ACSL6: variants seen among roughly 807,000 people sequenced by gnomAD.
ACSL6 encodes the protein acyl-CoA synthetase long chain family member 6.
In ACSL6, 47 loss-of-function variants were observed where a neutral mutation model predicts 98.2. That is an observed-to-expected ratio of 0.48 (90% CI 0.38 to 0.61). ACSL6 has a LOEUF of 0.61. ACSL6 is among the 20% of genes least tolerant of loss of function. The pLI is 0.00. For missense variants in ACSL6, 761 were observed against 913.4 expected, an observed-to-expected ratio of 0.83 and a Z score of 2.15; for synonymous variants, 362 against 336.9, an observed-to-expected ratio of 1.07 and a Z score of -0.82.
Position 131,986,850 on chromosome 5 carries a change from C to T in ACSL6, c.836G>A (p.Cys279Tyr), listed in dbSNP as rs1261352892. 1 of 1,614,098 alleles carries T rather than the reference C, an allele frequency of 6.2e-7. No individual in the cohort carries two copies. The highest frequency in any genetic ancestry group is 1.1e-5 in the South Asian group (1 of 91,088). ...VIKSMQAVEDCGQENHQAPVP... is the reference protein window; with the variant it reads ...VIKSMQAVEDYGQENHQAPVP... ...AGGAGCCTGGTGATTCTCTTGGCCA[C>T]AGTCCTGAAAGAAGAAAATGCTGTT... The change falls in exon 8 of 21, where the codon TGT (cysteine) becomes TAT (tyrosine). Residue 279 changes from cysteine to tyrosine, a missense_variant. Transcript: ENST00000651883.
chr5:132,000,413 G>A (rs759487538), intron 1 of ACSL6, among the ~76,000 whole-genome samples: 17 of 151,622 alleles, frequency 1.1e-4, no homozygotes, highest in Admixed American at 2.6e-4. Flanking sequence ...TATTAGGACC[G>A]AAGCTGAGCT....
chr5:131,990,272 A>T, intron 3 of ACSL6, 108 bp from the exon 4 acceptor site: 1 of 1,126,144 alleles, frequency 8.9e-7, no homozygotes, highest in Non-Finnish European at 1.3e-6. Flanking sequence ...TAGTGTGTCC[A>T]TGGGCCAAGT....
chr5:131,972,898 T>C, intron 12 of ACSL6, 40 bp from the exon 13 acceptor site: 2 of 1,613,702 alleles, frequency 1.2e-6, no homozygotes. Flanking sequence ...AGAGCCTGAA[T>C]GTCTCATTTC....
At chr5:131,988,291 G>T in intron 6 of ACSL6, 65 bp from the exon 7 acceptor site, 1 of 1,572,196 alleles carries the variant, frequency 6.4e-7, no homozygotes, top group Non-Finnish European at 8.7e-7. Flanking sequence ...GGCAGCATGT[G>T]CCAGGCAGCA....
chr5:131,997,322 C>A (rs1754841544), intron 1 of ACSL6, among the ~76,000 whole-genome samples: 1 of 152,224 alleles, frequency 6.6e-6, no homozygotes, highest in Non-Finnish European at 1.5e-5. Context: ...AAGCGAGGCA[C>A]ACAGTAAACA....
Position 131,960,631 on chromosome 5 carries a change from T to C in ACSL6, c.1858-10A>G. The C allele has an allele frequency of 6.2e-7, 1 of 1,607,682 alleles. No homozygotes were observed. The highest frequency in any genetic ancestry group is 8.5e-7 in the Non-Finnish European group (1 of 1,176,876). On this transcript the variant is annotated splice_polypyrimidine_tract_variant and intron_variant, in intron 18 of 20. Transcript: ENST00000651883. ...TGCCTACCAAAAAGGCCTGCAGTGC[T>C]CACCAAAGGAGAACACAGTCATGAC...
rs1191897685 is a variant in ACSL6, at chr5:131,952,062, T to C, written c.*2172A>G. 5.6e-6 allele frequency: 1 copy of C among 179,636 alleles called. No individual in the cohort carries two copies. The highest frequency in any genetic ancestry group is 1.2e-5 in the Non-Finnish European group (1 of 83,868). The allele number at this position is 179,636 out of a possible 1,614,324, so 11.1% of individuals were successfully genotyped here. ...GGAGGACAATGGGAAACAGATTCTT[T>C]TTTTGTTGTTATTGAAATGTAAGCA... On this transcript the variant is annotated 3_prime_UTR_variant, in exon 21 of 21. Transcript: ENST00000651883.
chr5:131,965,335 G>A (rs1008181108), intron 17 of ACSL6, among the ~76,000 whole-genome samples: 3 of 152,120 alleles, frequency 2.0e-5, no homozygotes, highest in South Asian at 2.1e-4. Context: ...CTATGTGCCC[G>A]GTACTGTGCT....
rs1752172681 is a variant in ACSL6 at position 131,951,779 on chromosome 5, G to A, written c.*2455C>T. On this transcript the variant is annotated 3_prime_UTR_variant, in exon 21 of 21. Transcript: ENST00000651883. ...TTTTTGTATTTTTTTAGTAGAGACG[G>A]GGTTTCACTGTGTTAGCCAGGATGG... 6.2e-6 allele frequency: 1 copy of A among 161,224 alleles called. No individual in the cohort carries two copies. The highest frequency in any genetic ancestry group is 2.4e-5 in the African/African-American group (1 of 41,702). 10.0% of individuals were successfully genotyped at this position (161,224 alleles called of 1,614,324 possible).
In ACSL6 at chr5:131,974,937, T is replaced by C. The variant is rs1164361934; in HGVS notation, c.1024A>G (p.Ile342Val). The C allele has an allele frequency of 6.2e-7, 1 of 1,614,068 alleles. No individual in the cohort carries two copies. The highest frequency in any genetic ancestry group is 8.5e-7 in the Non-Finnish European group (1 of 1,180,008). Residue 342 changes from isoleucine to valine, a missense_variant, in exon 11 of 21, where the codon ATC becomes GTC. Ile to Val is a conservative substitution (Grantham distance 29). Transcript: ENST00000651883. ...ATGTGAGCCAGAGGCAGGAAGGAGATGAGCACATCGTCCTGTCTCGGAAAG... is the reference window on the plus strand; with the variant it reads ...ATGTGAGCCAGAGGCAGGAAGGAGACGAGCACATCGTCCTGTCTCGGAAAG... ...VIFPRQDDVL[I>V]SFLPLAHMFE... is the part of the protein sequence containing the mutation.
chr5:131,976,588 C>T, intron 10 of ACSL6, 60 bp downstream of exon 10: 1 of 1,371,772 alleles, frequency 7.3e-7, no homozygotes, highest in Non-Finnish European at 1.0e-6. Flanking sequence ...AAAAAAAAAT[C>T]CTCTGAGGCT....
chr5:131,968,298 A>G, intron 15 of ACSL6: 1 of 386,628 alleles, frequency 2.6e-6, no homozygotes. Context: ...CAACGTGCAC[A>G]GGGTCCTGGG....
chr5:131,986,972 C>A, intron 7 of ACSL6, 118 bp from the exon 8 acceptor site: 1 of 811,404 alleles, frequency 1.2e-6, no homozygotes, highest in East Asian at 2.7e-5. Context: ...CACACACATA[C>A]CCACACACTC....
At chr5:131,988,533 T>A (rs1210229947) in intron 6 of ACSL6, 5 of 1,600,664 alleles carry the variant, frequency 3.1e-6, no homozygotes, top group Non-Finnish European at 4.3e-6. Flanking sequence ...TGCCAAGCTG[T>A]CATGAACTTC....
In ACSL6 at chr5:131,990,087, C is replaced by T; in HGVS notation, c.450+13G>A. ...ATGGGTGGCCAGGGTGGGGCCTGTCCTGTATCACTCACCTCCTGGTAGGAC... is the reference window on the plus strand; with the variant it reads ...ATGGGTGGCCAGGGTGGGGCCTGTCTTGTATCACTCACCTCCTGGTAGGAC... On this transcript the variant is annotated intron_variant, in intron 4 of 20. Transcript: ENST00000651883. The T allele has an allele frequency of 6.2e-7, 1 of 1,613,290 alleles. No homozygotes were observed. The highest frequency in any genetic ancestry group is 1.1e-5 in the South Asian group (1 of 90,904).
intron 9 of ACSL6, chr5:131,984,275 T>C (rs1754050356): frequency 6.6e-6 from 1 of 152,264 alleles, no homozygotes; most frequent in African/African-American, 2.4e-5. Flanking sequence ...CTGACATGAA[T>C]AATCCTGGTT....
chr5:131,988,953 G>A (rs773572365), intron 5 of ACSL6, 49 bp from the exon 6 acceptor site: 1 of 1,544,032 alleles, frequency 6.5e-7, no homozygotes, highest in Non-Finnish European at 8.9e-7. Flanking sequence ...AGATTAGAGG[G>A]CTGTCCTGCC....
In ACSL6 at chr5:131,971,813, C is replaced by A. The variant is rs576588499; in HGVS notation, c.1339-168G>T. The stretch of plus-strand genomic sequence containing the variant: ...TACAACACACGAGCTGAGGAAACTC[C>A]TTCCCCTTCCTAATGATAAACACAA... On this transcript the variant is annotated intron_variant, in intron 13 of 20. Transcript: ENST00000651883. Among the ~76,000 whole-genome samples the A allele has an allele frequency of 2.6e-5, 4 of 152,260 alleles. No homozygotes were observed. The East Asian group carries it at 7.7e-4, about 29-fold the overall frequency.
chr5:131,971,587 G>A lies in ACSL6; in HGVS notation c.1397C>T (p.Thr466Ile). ...IVTGAAPASP[T>I]VLGFLRAALG... Reference sequence around the variant, plus strand: ...AGCTGCCCGGAGAAATCCCAGAACTGTTGGTGATGCTGGGGCTGCTCCAGT... The same window carrying A: ...AGCTGCCCGGAGAAATCCCAGAACTATTGGTGATGCTGGGGCTGCTCCAGT... The change falls in exon 14 of 21, where the codon ACA becomes ATA. Residue 466 changes from threonine (T) to isoleucine (I), a missense_variant. Transcript: ENST00000651883. 1 of 1,612,282 alleles carries A rather than the reference G, an allele frequency of 6.2e-7. No homozygotes were observed. Among genetic ancestry groups the A allele is most frequent in the Non-Finnish European group, 8.5e-7 (1 of 1,179,084 alleles).
Sources: allele counts gnomAD v4.1 joint callset (sites outside exome capture counted in the v4.1 genomes callset), GRCh38; gene constraint gnomAD v4.1.1; transcripts MANE v1.5; gene names NCBI Gene and HGNC (gene_info 2026-07-23, HGNC 2026-07-21).